Variants in TNN observed in about 807,000 individuals in gnomAD.
TNN encodes tenascin-N.
TNN carries 122 observed loss-of-function variants against 134.4 expected under a neutral mutation model. That is an observed-to-expected ratio of 0.91 (90% CI 0.78 to 1.06). The LOEUF (loss-of-function observed/expected upper bound fraction) is 1.06. TNN is among the 50% of genes least tolerant of loss of function. The pLI is 0.00. For missense variants in TNN, 1,739 were observed against 1,699.4 expected, an observed-to-expected ratio of 1.02 and a Z score of -0.41; for synonymous variants, 710 against 670.3, an observed-to-expected ratio of 1.06 and a Z score of -0.91.
At chr1:175,109,915 T>A (rs1221923101) in intron 9 of TNN, among the ~76,000 whole-genome samples, 1 of 152,096 alleles carries the variant, frequency 6.6e-6, no homozygotes, top group African/African-American at 2.4e-5. Flanking sequence ...TTTTTAGTTT[T>A]TTGAGGAAAC....
chr1:175,128,853 A>T (rs1396015909), intron 15 of TNN, 107 bp downstream of exon 15: 1 of 1,271,132 alleles, frequency 7.9e-7, no homozygotes, highest in East Asian at 2.8e-5. Context: ...TTTCTTCTCC[A>T]CCCATGGAAG....
chr1:175,096,678 A>C (rs1470578233), intron 7 of TNN, among the ~76,000 whole-genome samples: 3 of 152,234 alleles, frequency 2.0e-5, no homozygotes, highest in African/African-American at 7.2e-5. Context: ...AATGCCATTA[A>C]TAATAACAAC....
chr1:175,096,773 A>T (rs1202425817), intron 7 of TNN, among the ~76,000 whole-genome samples: 1 of 152,194 alleles, frequency 6.6e-6, no homozygotes, highest in African/African-American at 2.4e-5. Context: ...TTCTTCATAG[A>T]GTTGAGGAGA....
chr1:175,081,459 ACTT>A (rs1674197066), intron 4 of TNN, among the ~76,000 whole-genome samples: 1 of 152,074 alleles, frequency 6.6e-6, no homozygotes, highest in Non-Finnish European at 1.5e-5. Flanking sequence ...CCTGCCCTAA[ACTT>A]CTAGGGAAAG....
chr1:175,131,010 A>T (rs1246574624), intron 15 of TNN, among the ~76,000 whole-genome samples: 1 of 152,080 alleles, frequency 6.6e-6, no homozygotes, highest in East Asian at 1.9e-4. Context: ...AAACTTCCCC[A>T]CAAAACATTT....
Position 175,118,717 on chromosome 1 carries a change from G to A in TNN, c.2543G>A (p.Ser848Asn), listed in dbSNP as rs1383490442. 5.0e-6 allele frequency: 8 copies of A among 1,614,126 alleles called. No individual in the cohort carries two copies. The African/African-American group carries it at 6.7e-5, about 13-fold the overall frequency. Reference protein sequence around the residue: ...TREVPVGKEQSSTVLTGLRPG... With the variant: ...TREVPVGKEQNSTVLTGLRPG... ...GAGGTTCCAGTGGGGAAGGAGCAGA[G>A]CAGCACTGTCCTGACGGGCCTGAGG... Residue 848 changes from serine to asparagine, a missense_variant, in exon 11 of 19, where the codon AGC (serine) becomes AAC (asparagine). By Grantham distance (46) the Ser-to-Asn change is conservative (BLOSUM62 1). Coordinates refer to ENST00000239462, the MANE Select transcript of TNN (RefSeq NM_022093.2).
chr1:175,095,605 G>A (rs1451223732), intron 7 of TNN, among the ~76,000 whole-genome samples: 3 of 152,098 alleles, frequency 2.0e-5, no homozygotes, highest in Non-Finnish European at 4.4e-5. Context: ...ACAGAGTCTC[G>A]CTCTCTTGCC....
At chr1:175,101,377 G>A (rs953170790) in intron 9 of TNN, among the ~76,000 whole-genome samples, 1 of 146,424 alleles carries the variant, frequency 6.8e-6, no homozygotes, top group Non-Finnish European at 1.5e-5. Flanking sequence ...GCAGATCTTC[G>A]CGGTGTTACA....
intron 17 of TNN, among the ~76,000 whole-genome samples, chr1:175,140,586 A>G (rs1018829): frequency 0.76 from 115,693 of 152,156 alleles, 44,188 homozygotes; most frequent in Non-Finnish European, 0.78. Context: ...TGTTTGGTGA[A>G]TTATTTAATT....
At chr1:175,120,653 A>G (rs1293196754) in intron 11 of TNN, among the ~76,000 whole-genome samples, 2 of 152,186 alleles carry the variant, frequency 1.3e-5, no homozygotes, top group Non-Finnish European at 2.9e-5. Context: ...CTCATGTTCC[A>G]TTGCCAGGTC....
chr1:175,103,377 C>A (rs1674778122), intron 9 of TNN, among the ~76,000 whole-genome samples: 1 of 146,168 alleles, frequency 6.8e-6, no homozygotes, highest in African/African-American at 2.5e-5. Context: ...GTGAGGAGGT[C>A]TAGGCCTCTG....
intron 2 of TNN, 30 bp from the exon 3 acceptor site, chr1:175,079,303 C>T: frequency 6.4e-7 from 1 of 1,557,924 alleles, no homozygotes; most frequent in South Asian, 1.2e-5. Context: ...ACCCTTCAAC[C>T]CAACCTACTG....
intron 17 of TNN, among the ~76,000 whole-genome samples, chr1:175,138,376 G>T (rs1274932919): frequency 6.6e-6 from 1 of 152,262 alleles, no homozygotes; most frequent in East Asian, 1.9e-4. Context: ...TAATCTTAGG[G>T]ATGTTTAGTA....
rs553030987 is a variant in TNN, at chr1:175,107,093, G to A, written c.2119+8498G>A. 3.9e-4 allele frequency among the ~76,000 whole-genome samples: 57 copies of A among 146,248 alleles called. 6 individuals carry two copies. Among genetic ancestry groups the A allele is most frequent in the African/African-American group, 1.2e-3 (50 of 40,748 alleles). On this transcript the variant is annotated intron_variant, in intron 9 of 18. Coordinates refer to ENST00000239462, the MANE Select transcript of TNN (RefSeq NM_022093.2). ...CTTGGCGATATGCGAAAGTCCCTTC[G>A]TGGTCGCCAAAATGTGTCCGGAATT...
intron 15 of TNN, among the ~76,000 whole-genome samples, chr1:175,129,987 C>T (rs1675634664): frequency 6.6e-6 from 1 of 152,130 alleles, no homozygotes. Flanking sequence ...TCTCTTGGGC[C>T]ATTGTCTGCC....
chr1:175,113,555 A>T lies in TNN; in HGVS notation c.2120-3384A>T, dbSNP rs1675091942. 2.0e-5 allele frequency among the ~76,000 whole-genome samples: 3 copies of T among 152,100 alleles called. 1 individual carries two copies. The highest frequency in any genetic ancestry group is 2.0e-4 in the Admixed American group (3 of 15,262). ...TTCAGGAAGGACCTTTTTGGGGTTG[A>T]ATCTATTTAGGGACTTGAGCTTCCT... On this transcript the variant is annotated intron_variant, in intron 9 of 18. Coordinates refer to ENST00000239462, the MANE Select transcript of TNN (RefSeq NM_022093.2).
chr1:175,098,289 C>A (rs1215778688), intron 8 of TNN, 43 bp from the exon 9 acceptor site: 3 of 1,613,434 alleles, frequency 1.9e-6, no homozygotes. Context: ...ATATGTCTTC[C>A]ATGGCTTCAG....
intron 9 of TNN, among the ~76,000 whole-genome samples, chr1:175,102,884 A>G (rs1193192185): frequency 6.8e-6 from 1 of 146,012 alleles, no homozygotes; most frequent in Non-Finnish European, 1.5e-5. Flanking sequence ...TCTAAACAGG[A>G]CACCCCAACT....
Position 175,123,393 on chromosome 1 carries a change from T to G in TNN, c.2651-7T>G. 1 of 1,613,036 alleles carries G rather than the reference T, an allele frequency of 6.2e-7. No individual in the cohort carries two copies. Among genetic ancestry groups the G allele is most frequent in the Non-Finnish European group, 8.5e-7 (1 of 1,179,762 alleles). ...AAGTTCAGCCTTTTCTAAATCTTTT[T>G]AAAAAGAAATTGACGGCCCCAAAAA... On this transcript the variant is annotated splice_region_variant and splice_polypyrimidine_tract_variant and intron_variant, in intron 11 of 18. Coordinates refer to ENST00000239462, the MANE Select transcript of TNN (RefSeq NM_022093.2).
Sources: gnomAD v4.1 joint callset for allele counts (sites outside exome capture counted in the v4.1 genomes callset) on GRCh38, gnomAD v4.1.1 for gene constraint, MANE v1.5 for transcripts, NCBI Gene and HGNC (gene_info 2026-07-23, HGNC 2026-07-21) for gene names.